The following IL12RB1 variants were observed in gnomAD, a reference collection of about 807,000 sequenced individuals.
IL12RB1 encodes the protein interleukin 12 receptor subunit beta 1, also known as interleukin-12 receptor subunit beta-1.
A neutral mutation model predicts 94.4 loss-of-function variants in IL12RB1; 64 were observed. That is an observed-to-expected ratio of 0.68 (90% CI 0.55 to 0.83). The LOEUF is 0.83. Ranked by LOEUF, IL12RB1 falls within the 40% of genes least tolerant of loss-of-function variation. The pLI is 0.00. For synonymous variants in IL12RB1, 362 were observed against 355.5 expected (o/e 1.02, Z -0.21); for missense variants, 814 against 855.6 (o/e 0.95, Z 0.61).
chr19:18,093,906 G>A (rs775642597), intron 1 of IL12RB1, among the ~76,000 whole-genome samples: 2 of 152,130 alleles, frequency 1.3e-5, no homozygotes, highest in Non-Finnish European at 2.9e-5. Flanking sequence ...CCTTCAGCCC[G>A]AAGAGTGGGG....
exon 1 of IL12RB1, chr19:18,098,885 AC>A: frequency 2.2e-6 from 1 of 449,026 alleles, no homozygotes; most frequent in South Asian, 1.6e-5. Context: ...AGCAGCGGTG[AC>A]CCCACGGAGT....
chr19:18,082,422 C>T, intron 2 of IL12RB1, 158 bp from the exon 3 acceptor site: 1 of 672,204 alleles, frequency 1.5e-6, no homozygotes, highest in Non-Finnish European at 2.7e-6. Context: ...TCACCTCAAC[C>T]TATTCCGAAT....
intron 12 of IL12RB1, 129 bp from the exon 13 acceptor site, chr19:18,064,139 T>A: frequency 1.4e-5 from 3 of 210,046 alleles, no homozygotes; most frequent in East Asian, 1.1e-4. Context: ...TCTTTCTTTC[T>A]TTTTTTTTTT....
intron 2 of IL12RB1, chr19:18,083,134 G>T (rs537736466): frequency 6.9e-5 from 38 of 551,678 alleles, no homozygotes; most frequent in Non-Finnish European, 1.2e-4. Context: ...GTTGGGGGGG[G>T]GGCTTCAAAA....
intron 7 of IL12RB1, 54 bp from the exon 8 acceptor site, chr19:18,073,653 G>T: frequency 9.5e-7 from 1 of 1,056,912 alleles, no homozygotes; most frequent in Non-Finnish European, 1.5e-6. Flanking sequence ...AAGACTGATG[G>T]ATGTTTTCTT....
In IL12RB1 at chr19:18,077,227, G is replaced by GCCT. The variant is rs1341543624; in HGVS notation, c.549+288_549+289insAGG. 1.3e-3 allele frequency among the ~76,000 whole-genome samples: 192 copies of GCCT among 152,054 alleles called. 1 individual carries two copies. The highest frequency in any genetic ancestry group is 4.4e-3 in the African/African-American group (182 of 41,496). ...ACAAAAATTAGCTGCGTGTGGTAGTGGGCGCATGCCTGTAATCCCAGCTAC... is the reference window on the plus strand; with the variant it reads ...ACAAAAATTAGCTGCGTGTGGTAGTGCCTGGCGCATGCCTGTAATCCCAGCTAC... On this transcript the variant is annotated intron_variant, in intron 5 of 16. Coordinates refer to ENST00000593993, the MANE Select transcript of IL12RB1 (RefSeq NM_005535.3).
intron 13 of IL12RB1, among the ~76,000 whole-genome samples, chr19:18,062,998 TTCCTCCTCCTCC>T (rs66462934): frequency 1.1e-5 from 1 of 90,736 alleles, no homozygotes; most frequent in African/African-American, 2.8e-5. Flanking sequence ...TGTTGTTCTC[TTCCTCCTCCTCC>T]TCCTCCTCCT....
chr19:18,093,390 C>T (rs399343), intron 1 of IL12RB1, among the ~76,000 whole-genome samples: 38,098 of 150,084 alleles, frequency 0.25, 5,191 homozygotes, highest in African/African-American at 0.34. Context: ...GTGTTAACCA[C>T]AGAAAAACTG....
chr19:18,062,704 G>A (rs1050668004), intron 13 of IL12RB1, among the ~76,000 whole-genome samples: 2 of 139,968 alleles, frequency 1.4e-5, no homozygotes, highest in South Asian at 2.2e-4. Flanking sequence ...CTCGGGAGGC[G>A]GAGGTTGCAG....
chr19:18,093,162 G>A (rs765029841), intron 1 of IL12RB1, among the ~76,000 whole-genome samples: 2 of 151,762 alleles, frequency 1.3e-5, no homozygotes, highest in African/African-American at 2.4e-5. Flanking sequence ...AAGATTAGCC[G>A]GGTGTGGTGG....
upstream of IL12RB1, among the ~76,000 whole-genome samples, chr19:18,090,375 T>C (rs1420696245): frequency 6.6e-6 from 1 of 151,942 alleles, no homozygotes; most frequent in East Asian, 1.9e-4. Flanking sequence ...AGGAAATAGG[T>C]AGAGATCAGA....
At position 18,069,604 on chromosome 19, in the gene IL12RB1, G is replaced by A. The variant is rs371543581; in HGVS notation, c.1131C>T (p.Asp377=). Residue 377 remains aspartate, a synonymous_variant, in exon 10 of 17, where the codon GAC becomes GAT. Coordinates refer to ENST00000593993, the MANE Select transcript of IL12RB1 (RefSeq NM_005535.3). ...TCAGGCTGCAGGTGGCAAGGCCCCC[G>A]TCCTGGCCCACAGGCTGCCATTCAA... ...YCIEWQPVGQ[D]GGLATCSLTA... 76 of 1,612,808 alleles carry A rather than the reference G, an allele frequency of 4.7e-5. 1 individual carries two copies. Among genetic ancestry groups the A allele is most frequent in the Admixed American group, 1.8e-4 (11 of 59,988 alleles).
In IL12RB1 at chr19:18,069,690, C is replaced by T. The variant is rs372865962; in HGVS notation, c.1045G>A (p.Val349Ile). 30 of 1,612,252 alleles carry T rather than the reference C, an allele frequency of 1.9e-5. No individual in the cohort carries two copies. Among genetic ancestry groups the T allele is most frequent in the South Asian group, 4.4e-5 (4 of 91,056 alleles). The stretch of plus-strand genomic sequence containing the variant: ...TACATGGTGGTCCCGTTGGTTCCGA[C>T]GCTGATATTCAGAGCCACTGGTTCT... ...HTEPVALNIS[V>I]GTNGTTMYWP... Residue 349 changes from valine to isoleucine, a missense_variant, in exon 10 of 17, where the codon GTC (valine) becomes ATC (isoleucine). By Grantham distance (29) the Val-to-Ile change is conservative. Transcript: ENST00000593993.
intron 11 of IL12RB1, among the ~76,000 whole-genome samples, chr19:18,067,268 G>GA (rs1321734467): frequency 6.9e-6 from 1 of 145,626 alleles, no homozygotes; most frequent in Non-Finnish European, 1.5e-5. Context: ...AGGTTTCAGT[G>GA]AGCCAAGATC....
chr19:18,063,438 G>A lies in IL12RB1; in HGVS notation c.1618+438C>T, dbSNP rs146467658. 6.9e-4 allele frequency among the ~76,000 whole-genome samples: 105 copies of A among 151,750 alleles called. 2 individuals carry two copies. The East Asian group carries it at 7.4e-3, about 11-fold the overall frequency. On this transcript the variant is annotated intron_variant, in intron 13 of 16. Coordinates refer to ENST00000593993, the MANE Select transcript of IL12RB1 (RefSeq NM_005535.3). Reference sequence around the variant, plus strand: ...TTATTTTTGCATTCATTTATTTGTCGCTCAATGAACAGATTCCTGCATCTT... The same window carrying A: ...TTATTTTTGCATTCATTTATTTGTCACTCAATGAACAGATTCCTGCATCTT...
At chr19:18,083,554 A>C in intron 1 of IL12RB1, 63 bp from the exon 2 acceptor site, 1 of 1,541,104 alleles carries the variant, frequency 6.5e-7, no homozygotes, top group Non-Finnish European at 9.0e-7. Context: ...AGAAGGGCTC[A>C]GCCTTGGGGT....
chr19:18,064,138 CTTTTTTT>C (rs55986229), intron 12 of IL12RB1, 128 bp from the exon 13 acceptor site: 13 of 350,452 alleles, frequency 3.7e-5, no homozygotes, highest in South Asian at 5.7e-5. Flanking sequence ...CTCTTTCTTT[CTTTTTTT>C]TTTTTTTTTT....
chr19:18,063,608 G>A (rs17882792), intron 13 of IL12RB1, among the ~76,000 whole-genome samples: 27 of 152,310 alleles, frequency 1.8e-4, no homozygotes, highest in African/African-American at 6.5e-4. Flanking sequence ...TTTGAGCTGA[G>A]TTTTGAAGGA....
At chr19:18,077,435 G>T in intron 5 of IL12RB1, 81 bp downstream of exon 5, 1 of 1,070,650 alleles carries the variant, frequency 9.3e-7, no homozygotes, top group Non-Finnish European at 1.4e-6. Context: ...GGGGACAGAT[G>T]CAGAGATGGT....
Sources: gnomAD v4.1 joint callset for allele counts (sites outside exome capture counted in the v4.1 genomes callset) on GRCh38, gnomAD v4.1.1 for gene constraint, MANE v1.5 for transcripts, NCBI Gene and HGNC (gene_info 2026-07-23, HGNC 2026-07-21) for gene names.